Variants in TNFAIP8L1 observed in about 807,000 individuals in gnomAD.
The protein encoded by TNFAIP8L1 is tumor necrosis factor alpha-induced protein 8-like protein 1.
For missense variants in TNFAIP8L1, 225 were observed against 266.1 expected (o/e 0.85, Z 1.08); for synonymous variants, 127 against 125.6 (o/e 1.01, Z -0.08).
At chr19:4,643,240 C>T (rs1245230790) in intron 1 of TNFAIP8L1, among the ~76,000 whole-genome samples, 7 of 151,326 alleles carry the variant, frequency 4.6e-5, no homozygotes, top group Admixed American at 2.0e-4. Context: ...GATCACGCCG[C>T]TGCACTCCAG....
At chr19:4,649,920 T>C (rs1375915376) in intron 1 of TNFAIP8L1, among the ~76,000 whole-genome samples, 2 of 152,146 alleles carry the variant, frequency 1.3e-5, no homozygotes, top group Admixed American at 6.5e-5. Flanking sequence ...ACCGGCTTTG[T>C]GGGGGCTCCT....
Position 4,652,627 on chromosome 19 carries a change from C to T in TNFAIP8L1, c.*197C>T. On this transcript the variant is annotated 3_prime_UTR_variant, in exon 2 of 2. Coordinates refer to ENST00000327473, the MANE Select transcript of TNFAIP8L1 (RefSeq NM_152362.3). Reference sequence around the variant, plus strand: ...CAGCTGTTTCAAACACCAATGTCACCTCTCCTCCTGGCCCCCGCCCAATGG... The same window carrying T: ...CAGCTGTTTCAAACACCAATGTCACTTCTCCTCCTGGCCCCCGCCCAATGG... 9.0e-6 allele frequency: 5 copies of T among 557,294 alleles called. No individual in the cohort carries two copies. The highest frequency in any genetic ancestry group is 3.1e-6 in the Non-Finnish European group (1 of 323,360). 34.5% of individuals were successfully genotyped at this position (557,294 alleles called of 1,614,324 possible).
chr19:4,643,599 C>T lies in TNFAIP8L1; in HGVS notation c.-4+3970C>T, dbSNP rs113960373. Among the ~76,000 whole-genome samples the T allele has an allele frequency of 3.6e-3, 546 of 152,332 alleles. 3 individuals carry two copies. Among genetic ancestry groups the T allele is most frequent in the African/African-American group, 0.012 (516 of 41,582 alleles). On this transcript the variant is annotated intron_variant, in intron 1 of 1. Coordinates refer to ENST00000327473, the MANE Select transcript of TNFAIP8L1 (RefSeq NM_152362.3). ...CCAGTTTGAGAACAACTGATGTCAC[C>T]CCCAACTTGGGCCAACAGATTCCCC...
In TNFAIP8L1 at chr19:4,653,769, CAAAAAAAAAAAAAAAAA is replaced by C. The variant is rs74173015; in HGVS notation, c.*1351_*1367del. 2.4e-5 allele frequency: 1 copy of C among 41,168 alleles called. No homozygotes were observed. The highest frequency in any genetic ancestry group is 4.4e-5 in the Non-Finnish European group (1 of 22,974). The allele number at this position is 41,168 out of a possible 1,614,324, so 2.6% of individuals were successfully genotyped here. ...CCTGGTGACAGAGCGAGACTCGTCT[CAAAAAAAAAAAAAAAAA>C]AAAAAAAAAAAGTGACTGTGGTGGT... is the stretch of plus-strand genomic sequence containing the variant. On this transcript the variant is annotated 3_prime_UTR_variant, in exon 2 of 2. Transcript: ENST00000327473.
At chr19:4,642,708 C>T (rs974938797) in intron 1 of TNFAIP8L1, among the ~76,000 whole-genome samples, 5 of 129,948 alleles carry the variant, frequency 3.8e-5, no homozygotes, top group Admixed American at 2.4e-4. Flanking sequence ...CAAGGAGGCC[C>T]GTGGGGCTGG....
intron 1 of TNFAIP8L1, chr19:4,642,600 AG>A (rs1321625325): frequency 6.6e-6 from 1 of 151,842 alleles, no homozygotes; most frequent in Admixed American, 6.6e-5. Context: ...AGAAGGAAAC[AG>A]CCATGTGGAG....
In TNFAIP8L1 at chr19:4,645,099, CTG is replaced by C. The variant is rs1167126388; in HGVS notation, c.-4+5473_-4+5474del. On this transcript the variant is annotated intron_variant, in intron 1 of 1. Coordinates refer to ENST00000327473, the MANE Select transcript of TNFAIP8L1 (RefSeq NM_152362.3). This position sits in a 1 kb window ranked among gnomAD's most constrained non-coding sequence, Gnocchi z 4.1. ...AGCAGATCCATCAATTATTGACACT[CTG>C]TGAGGTGCATGAAGAATTCATGGGA... Among the ~76,000 whole-genome samples, 1 of 152,206 alleles carries C rather than the reference CTG, an allele frequency of 6.6e-6. No individual in the cohort carries two copies. Among genetic ancestry groups the C allele is most frequent in the African/African-American group, 2.4e-5 (1 of 41,454 alleles).
At position 4,652,152 on chromosome 19, in the gene TNFAIP8L1, C is replaced by T. The variant is rs927234549; in HGVS notation, c.283C>T (p.Arg95Cys). 11 of 1,560,912 alleles carry T rather than the reference C, an allele frequency of 7.0e-6. No homozygotes were observed. Among genetic ancestry groups the T allele is most frequent in the Non-Finnish European group, 8.7e-6 (10 of 1,154,578 alleles). The change falls in exon 2 of 2, where the codon CGC becomes TGC. Residue 95 changes from arginine (R) to cysteine (C), a missense_variant. Arg to Cys is a radical substitution (Grantham distance 180, BLOSUM62 -3). Coordinates refer to ENST00000327473, the MANE Select transcript of TNFAIP8L1 (RefSeq NM_152362.3). ...ALLRRFRHRA[R>C]CLAMTAVSFH... Reference sequence around the variant, plus strand: ...GCTGCGGCGCTTCCGCCACCGGGCGCGCTGCCTGGCCATGACGGCCGTCAG... The same window carrying T: ...GCTGCGGCGCTTCCGCCACCGGGCGTGCTGCCTGGCCATGACGGCCGTCAG...
rs1295587171 is a variant in TNFAIP8L1 at position 4,652,358 on chromosome 19, C to A, written c.489C>A (p.Ala163=). ...CDFLAALYGP[A]EPYRSHLRRI... The stretch of plus-strand genomic sequence containing the variant: ...TCCTGGCTGCGCTCTACGGCCCCGC[C>A]GAGCCCTACCGCTCCCACCTGCGCA... The change falls in exon 2 of 2, where the codon GCC becomes GCA. Residue 163 remains alanine, a synonymous_variant. Coordinates refer to ENST00000327473, the MANE Select transcript of TNFAIP8L1 (RefSeq NM_152362.3). The A allele has an allele frequency of 1.3e-6, 2 of 1,554,736 alleles. No individual in the cohort carries two copies. Among genetic ancestry groups the A allele is most frequent in the Admixed American group, 1.9e-5 (1 of 52,786 alleles).
chr19:4,647,739 C>T (rs918924551), intron 1 of TNFAIP8L1, among the ~76,000 whole-genome samples: 2 of 151,162 alleles, frequency 1.3e-5, no homozygotes, highest in African/African-American at 4.9e-5. Flanking sequence ...CTCCCCCTCT[C>T]AGCCTCCCGA....
chr19:4,642,692 G>A (rs1229614913), intron 1 of TNFAIP8L1, among the ~76,000 whole-genome samples: 1 of 150,874 alleles, frequency 6.6e-6, no homozygotes, highest in African/African-American at 2.4e-5. Flanking sequence ...CATGGTAGAG[G>A]AGCAGCAAGG....
chr19:4,646,126 G>T (rs1167528435), intron 1 of TNFAIP8L1, among the ~76,000 whole-genome samples: 2 of 151,512 alleles, frequency 1.3e-5, no homozygotes, highest in Non-Finnish European at 2.9e-5. Context: ...ATTGGTTACC[G>T]GCACCTCCTC....
At chr19:4,650,290 G>A (rs1401601640) in intron 1 of TNFAIP8L1, among the ~76,000 whole-genome samples, 1 of 152,002 alleles carries the variant, frequency 6.6e-6, no homozygotes. Flanking sequence ...CCAGGGAAGA[G>A]GCAGGGGCTT....
Position 4,645,255 on chromosome 19 carries a change from CTT to C in TNFAIP8L1, c.-4+5627_-4+5628del, listed in dbSNP as rs1288882838. 6.6e-6 allele frequency among the ~76,000 whole-genome samples: 1 copy of C among 152,090 alleles called. No homozygotes were observed. The highest frequency in any genetic ancestry group is 1.5e-5 in the Non-Finnish European group (1 of 68,026). ...ATTATTTAACGTGGGAGAATATAAACTTATAGTTAAGGCTGGGCGTGGTGGCT... is the reference window on the plus strand; with the variant it reads ...ATTATTTAACGTGGGAGAATATAAACATAGTTAAGGCTGGGCGTGGTGGCT... On this transcript the variant is annotated intron_variant, in intron 1 of 1. Coordinates refer to ENST00000327473, the MANE Select transcript of TNFAIP8L1 (RefSeq NM_152362.3). The surrounding 1 kb of genome is among the most constrained non-coding windows in gnomAD (Gnocchi z 4.1).
chr19:4,647,704 C>T (rs1011413887), intron 1 of TNFAIP8L1, among the ~76,000 whole-genome samples: 1 of 148,984 alleles, frequency 6.7e-6, no homozygotes, highest in Non-Finnish European at 1.5e-5. Flanking sequence ...TCACTGCAGC[C>T]TTGACCTCGT....
In TNFAIP8L1 at chr19:4,648,963, C is replaced by CTTG. The variant is rs1599827587; in HGVS notation, c.-3-2900_-3-2898dup. 3.3e-5 allele frequency among the ~76,000 whole-genome samples: 4 copies of CTTG among 120,966 alleles called. No homozygotes were observed. The East Asian group carries it at 9.9e-4, about 30-fold the overall frequency. The allele number at this position is 120,966 out of a possible 152,430, so 79.4% of individuals were successfully genotyped here. A position where few individuals can be genotyped will look rare whatever the true frequency, so the allele number is the denominator to read the frequency against. ...TTTTTTTTTGAGATTGAGTTTTGCT[C>CTTG]TTGTTGCCCAGGCTGGAGTCCAGTG... On this transcript the variant is annotated intron_variant, in intron 1 of 1. Transcript: ENST00000327473.
At chr19:4,647,768 C>T (rs73535604) in intron 1 of TNFAIP8L1, among the ~76,000 whole-genome samples, 3,900 of 151,490 alleles carry the variant, frequency 0.026, 174 homozygotes, top group African/African-American at 0.091. Context: ...GACCACAGAC[C>T]CGTGCCACCA....
At chr19:4,644,706 C>T (rs1185614109) in intron 1 of TNFAIP8L1, among the ~76,000 whole-genome samples, 2 of 144,636 alleles carry the variant, frequency 1.4e-5, no homozygotes, top group East Asian at 2.0e-4. Flanking sequence ...CAGGTTCATG[C>T]GAGTCTCGTG....
intron 1 of TNFAIP8L1, among the ~76,000 whole-genome samples, chr19:4,650,846 TG>T (rs1159335327): frequency 6.6e-6 from 1 of 151,990 alleles, no homozygotes; most frequent in African/African-American, 2.4e-5. Context: ...GGGCCAGGTG[TG>T]GTGGCGGGCG....
Sources: allele counts gnomAD v4.1 joint callset (sites outside exome capture counted in the v4.1 genomes callset), GRCh38; gene constraint gnomAD v4.1.1; non-coding constraint Gnocchi (gnomAD v3.1); transcripts MANE v1.5; gene names NCBI Gene and HGNC (gene_info 2026-07-23, HGNC 2026-07-21).